CCDC141: variants seen among roughly 807,000 people sequenced by gnomAD.
The protein encoded by CCDC141 is coiled-coil domain containing 141.
In CCDC141, 168 loss-of-function variants were observed where a neutral mutation model predicts 181.0. The observed-to-expected ratio is 0.93, with a 90% CI of 0.82 to 1.05. The LOEUF is 1.05. Among genes scored for constraint, CCDC141 ranks in the 50% least tolerant of loss-of-function variants. CCDC141 has a pLI of 0.00. For synonymous variants in CCDC141, 666 were observed against 642.3 expected, an observed-to-expected ratio of 1.04 and a Z score of -0.56; for missense variants, 1,902 against 1,788.5, an observed-to-expected ratio of 1.06 and a Z score of -1.14.
chr2:178,877,851 G>C (rs1484996021), intron 12 of CCDC141, 113 bp downstream of exon 12: 1 of 1,002,254 alleles, frequency 1.0e-6, no homozygotes, highest in Non-Finnish European at 1.6e-6. Flanking sequence ...AAGCTAAAGA[G>C]AACTCCCTAG....
chr2:178,822,002 C>T, the CCDC141 span, among the ~76,000 whole-genome samples: 33 of 152,230 alleles, frequency 2.2e-4, no homozygotes, highest in East Asian at 5.8e-3. Flanking sequence ...GACTTGGAAC[C>T]AGCCCAAATG....
At chr2:179,040,157 A>G (rs1009090341) in intron 2 of CCDC141, among the ~76,000 whole-genome samples, 19 of 152,288 alleles carry the variant, frequency 1.2e-4, no homozygotes, top group African/African-American at 3.1e-4. Flanking sequence ...ACCCATGTGC[A>G]GGGAGGGAGA....
At position 178,865,843 on chromosome 2, in the gene CCDC141, C is replaced by A. The variant is rs755350129; in HGVS notation, c.2648G>T (p.Arg883Leu). ...ELLEEDSMKW[R>L]AKAEEYGRTL... ...CCGTCCATACTCCTCAGCTTTGGCA[C>A]GCCACTTCATGCTGTCCTCCTCAAG... The change falls in exon 17 of 24, where the codon CGT becomes CTT. Residue 883 changes from arginine (R) to leucine (L), a missense_variant. Coordinates refer to ENST00000443758, the MANE Select transcript of CCDC141 (RefSeq NM_173648.4). The A allele has an allele frequency of 3.7e-6, 6 of 1,607,168 alleles. No individual in the cohort carries two copies. The East Asian group carries it at 1.4e-4, about 36-fold the overall frequency.
chr2:178,843,092 T>C lies in CCDC141; in HGVS notation c.3474+2534A>G, dbSNP rs191088183. Among the ~76,000 whole-genome samples, 668 of 152,270 alleles carry C rather than the reference T, an allele frequency of 4.4e-3. 5 individuals are homozygous for C. Among genetic ancestry groups the C allele is most frequent in the Non-Finnish European group, 6.7e-3 (459 of 68,028 alleles). On this transcript the variant is annotated intron_variant, in intron 22 of 23. Coordinates refer to ENST00000443758, the MANE Select transcript of CCDC141 (RefSeq NM_173648.4). ...ATGCTATTGCTTATAAGCAGATAAA[T>C]AGGAAGAGGGGAAAAGTTTGTCATG...
chr2:178,815,583 G>A, the CCDC141 span, among the ~76,000 whole-genome samples: 1 of 152,120 alleles, frequency 6.6e-6, no homozygotes, highest in Non-Finnish European at 1.5e-5. Flanking sequence ...CAGTATCCTT[G>A]TGGGATTGGC....
intron 13 of CCDC141, 91 bp from the exon 14 acceptor site, chr2:178,871,643 AT>A (rs1686125732): frequency 7.0e-7 from 1 of 1,431,252 alleles, no homozygotes; most frequent in Non-Finnish European, 9.4e-7. Context: ...GTGTGATCAA[AT>A]TTTTCAAACC....
chr2:178,875,403 A>G (rs1012542882), intron 12 of CCDC141: 1 of 152,104 alleles, frequency 6.6e-6, no homozygotes, highest in African/African-American at 2.4e-5. Context: ...CGTCTCTACT[A>G]AAAATACAAG....
intron 2 of CCDC141, among the ~76,000 whole-genome samples, chr2:179,030,347 AC>A (rs1199465784): frequency 6.6e-6 from 1 of 152,056 alleles, no homozygotes; most frequent in African/African-American, 2.4e-5. Context: ...AGCAAAACTA[AC>A]TATGGCATAT....
Position 178,995,606 on chromosome 2 carries a change from C to T in CCDC141, c.226-16931G>A, listed in dbSNP as rs1386427698. 3.3e-5 allele frequency among the ~76,000 whole-genome samples: 5 copies of T among 152,026 alleles called. No homozygotes were observed. The East Asian group carries it at 7.7e-4, about 23-fold the overall frequency. Reference sequence around the variant, plus strand: ...AAATAAAATTTATAATGCAACAAAACAAAAAATCTAGATTATAGACTGATA... The same window carrying T: ...AAATAAAATTTATAATGCAACAAAATAAAAAATCTAGATTATAGACTGATA... On this transcript the variant is annotated intron_variant, in intron 2 of 23. Transcript: ENST00000443758.
At chr2:178,897,710 A>G (rs993252568) in intron 8 of CCDC141, among the ~76,000 whole-genome samples, 14 of 152,208 alleles carry the variant, frequency 9.2e-5, no homozygotes, top group Non-Finnish European at 2.9e-5. Flanking sequence ...AGCAAACAGG[A>G]AAGGCAAATC....
chr2:178,817,629 T>C, the CCDC141 span: 2 of 467,674 alleles, frequency 4.3e-6, no homozygotes, highest in Admixed American at 4.8e-5. Flanking sequence ...TCATCCTTCC[T>C]GGAGGTTGAC....
At chr2:179,002,989 A>C (rs983761360) in intron 2 of CCDC141, among the ~76,000 whole-genome samples, 6 of 152,180 alleles carry the variant, frequency 3.9e-5, no homozygotes, top group African/African-American at 1.4e-4. Flanking sequence ...TAAACAGTAG[A>C]GCAATTACTC....
rs796919163 is a variant in CCDC141, at chr2:178,975,092, T to A, written c.491A>T (p.Lys164Ile). Residue 164 changes from lysine (K) to isoleucine (I), a missense_variant, in exon 4 of 24, where the codon AAA becomes ATA. Lys to Ile is a moderately radical substitution (Grantham distance 102). Transcript: ENST00000443758. ...THEFESAESL[K>I]SLLQLHEHHT... ...ATGTTCATGAAGCTGAAGAAGTGAT[T>A]TTAAGGACTCAGCACTCTCAAACTC... is the stretch of plus-strand genomic sequence containing the variant. The A allele has an allele frequency of 7.8e-6, 12 of 1,528,694 alleles. No individual in the cohort carries two copies. The highest frequency in any genetic ancestry group is 9.7e-6 in the Non-Finnish European group (11 of 1,130,794). The allele number at this position is 1,528,694 out of a possible 1,614,324, so 94.7% of individuals were successfully genotyped here. A position where few individuals can be genotyped will look rare whatever the true frequency, so the allele number is the denominator to read the frequency against.
intron 3 of CCDC141, among the ~76,000 whole-genome samples, chr2:178,977,261 A>AAATAAGCT (rs1303589515): frequency 6.6e-6 from 1 of 152,182 alleles, no homozygotes; most frequent in African/African-American, 2.4e-5. Flanking sequence ...ATCATGGAGA[A>AAATAAGCT]AATAAGCTAC....
At chr2:178,918,063 A>C (rs1688529625) in intron 7 of CCDC141, among the ~76,000 whole-genome samples, 1 of 152,196 alleles carries the variant, frequency 6.6e-6, no homozygotes, top group African/African-American at 2.4e-5. Flanking sequence ...GGGAAACACT[A>C]TAATGTGGGC....
intron 2 of CCDC141, among the ~76,000 whole-genome samples, chr2:179,026,823 A>T (rs910508721): frequency 6.6e-6 from 1 of 152,206 alleles, no homozygotes; most frequent in African/African-American, 2.4e-5. Flanking sequence ...CATCAGCATG[A>T]CCTGGAGGTG....
chr2:179,015,743 C>A (rs185916699), intron 2 of CCDC141, among the ~76,000 whole-genome samples: 14 of 97,818 alleles, frequency 1.4e-4, no homozygotes, highest in African/African-American at 3.4e-4. Flanking sequence ...ATATATATAT[C>A]TTATATATAT....
chr2:178,854,224 T>C (rs1242867803), intron 19 of CCDC141, among the ~76,000 whole-genome samples: 1 of 152,198 alleles, frequency 6.6e-6, no homozygotes, highest in African/African-American at 2.4e-5. Flanking sequence ...TGAGACAGTT[T>C]CTCATTAAAA....
chr2:179,033,420 A>G (rs1013342975), intron 2 of CCDC141, among the ~76,000 whole-genome samples: 1 of 152,136 alleles, frequency 6.6e-6, no homozygotes, highest in African/African-American at 2.4e-5. Flanking sequence ...GTGAATTTTG[A>G]TATCTTCAGA....
Sources: gnomAD v4.1 joint callset for allele counts (sites outside exome capture counted in the v4.1 genomes callset) on GRCh38, gnomAD v4.1.1 for gene constraint, MANE v1.5 for transcripts, NCBI Gene and HGNC (gene_info 2026-07-23, HGNC 2026-07-21) for gene names.